CFAP53: variants seen among roughly 807,000 people sequenced by gnomAD.
CFAP53 encodes the protein cilia- and flagella-associated protein 53.
Under a neutral mutation model 59.7 loss-of-function variants are expected in CFAP53, and 62 were observed. That is an observed-to-expected ratio of 1.04 (90% confidence interval 0.85 to 1.28). The LOEUF (loss-of-function observed/expected upper bound fraction) is 1.28, where lower values mean the gene tolerates loss of function less well. CFAP53 is among the 50% of genes most tolerant of loss of function. CFAP53 has a pLI of 0.00. For missense variants in CFAP53, 629 were observed against 615.6 expected (o/e 1.02, Z -0.23); for synonymous variants, 218 against 205.7 (o/e 1.06, Z -0.51).
chr18:50,263,343 G>A (rs2033912142), intron 1 of CFAP53, among the ~76,000 whole-genome samples: 1 of 152,172 alleles, frequency 6.6e-6, no homozygotes, highest in African/African-American at 2.4e-5. Context: ...TTTACATTTA[G>A]AATATCACCA....
chr18:50,264,591 A>G (rs1012669662), intron 1 of CFAP53, among the ~76,000 whole-genome samples: 1 of 152,196 alleles, frequency 6.6e-6, no homozygotes, highest in African/African-American at 2.4e-5. Context: ...TCCAAGTCTC[A>G]TCTGCTGGTG....
At position 50,242,201 on chromosome 18, in the gene CFAP53, T is replaced by A. The variant is rs572456319; in HGVS notation, c.1213+699A>T. Among the ~76,000 whole-genome samples the A allele has an allele frequency of 5.9e-5, 9 of 152,332 alleles. No homozygotes were observed. The East Asian group carries it at 1.7e-3, about 29-fold the overall frequency. ...TTATTCTGTTCTTTTTCAGGGTGCA[T>A]TGATTTCATATTGTTCAAACACACA... On this transcript the variant is annotated intron_variant, in intron 6 of 7. Transcript: ENST00000398545.
intron 3 of CFAP53, among the ~76,000 whole-genome samples, chr18:50,254,479 G>A (rs575651322): frequency 6.6e-6 from 1 of 152,196 alleles, no homozygotes; most frequent in East Asian, 1.9e-4. Flanking sequence ...AAACAATAAC[G>A]CCACTACCAA....
chr18:50,243,103 C>T lies in CFAP53; in HGVS notation c.1010G>A (p.Arg337Lys), dbSNP rs2033708100. The change falls in exon 6 of 8, where the codon AGA becomes AAA. Residue 337 changes from arginine (R) to lysine (K), a missense_variant. Physicochemically the swap from Arg to Lys is conservative, Grantham distance 26 (BLOSUM62 2). Transcript: ENST00000398545. Reference sequence around the variant, plus strand: ...ATATTTATGGTATATCTTCTGTTCTCTTATCATATCTTCCTATGTAACATA... The same window carrying T: ...ATATTTATGGTATATCTTCTGTTCTTTTATCATATCTTCCTATGTAACATA... ...KKKQKREDMI[R>K]EQKIYHKYLA... The T allele has an allele frequency of 1.2e-6, 2 of 1,609,654 alleles. No homozygotes were observed. Among genetic ancestry groups the T allele is most frequent in the Non-Finnish European group, 1.7e-6 (2 of 1,177,156 alleles).
Position 50,242,978 on chromosome 18 carries a change from G to T in CFAP53, c.1135C>A (p.Leu379Met). ...AKKLAEKDKELRLEKEARRQL... is the reference protein window; with the variant it reads ...AKKLAEKDKEMRLEKEARRQL... ...CTCCTTGCCTCCTTTTCAAGTCTCA[G>T]CTCCTTGTCCTTCTCAGCCAACTTC... Residue 379 changes from leucine to methionine, a missense_variant, in exon 6 of 8, where the codon CTG (leucine) becomes ATG (methionine). Coordinates refer to ENST00000398545, the MANE Select transcript of CFAP53 (RefSeq NM_145020.5). 6.2e-7 allele frequency: 1 copy of T among 1,613,976 alleles called. No homozygotes were observed. Among genetic ancestry groups the T allele is most frequent in the Non-Finnish European group, 8.5e-7 (1 of 1,180,014 alleles).
At chr18:50,252,621 C>T (rs552021019) in intron 3 of CFAP53, among the ~76,000 whole-genome samples, 4 of 152,202 alleles carry the variant, frequency 2.6e-5, no homozygotes, top group South Asian at 4.1e-4. Flanking sequence ...GTTGCCAGGG[C>T]TGGTCTCAAA....
intron 6 of CFAP53, among the ~76,000 whole-genome samples, chr18:50,239,645 A>G (rs1372294155): frequency 6.6e-6 from 1 of 152,234 alleles, no homozygotes; most frequent in Non-Finnish European, 1.5e-5. Flanking sequence ...AAGTAAAATA[A>G]GTTACGGTCT....
At chr18:50,248,949 C>T (rs1404566867) in intron 5 of CFAP53, among the ~76,000 whole-genome samples, 1 of 151,710 alleles carries the variant, frequency 6.6e-6, no homozygotes, top group African/African-American at 2.4e-5. Context: ...GAACACTACT[C>T]AAGAATAAAT....
intron 3 of CFAP53, among the ~76,000 whole-genome samples, 193 bp from the exon 4 acceptor site, chr18:50,251,977 T>G (rs1599126964): frequency 4.6e-5 from 7 of 152,318 alleles, no homozygotes; most frequent in Admixed American, 4.6e-4. Context: ...CTATGAAAAC[T>G]GGAGTAAAGC....
At chr18:50,249,136 G>C (rs998151171) in intron 5 of CFAP53, among the ~76,000 whole-genome samples, 1 of 150,472 alleles carries the variant, frequency 6.6e-6, no homozygotes, top group Non-Finnish European at 1.5e-5. Context: ...CCATGAGGCG[G>C]AGGTTGCAGT....
At position 50,243,005 on chromosome 18, in the gene CFAP53, T is replaced by C. The variant is rs2032596852; in HGVS notation, c.1108A>G (p.Lys370Glu). The change falls in exon 6 of 8, where the codon AAG becomes GAG. Residue 370 changes from lysine (K) to glutamate (E), a missense_variant. Coordinates refer to ENST00000398545, the MANE Select transcript of CFAP53 (RefSeq NM_145020.5). ...TCCTTGTCCTTCTCAGCCAACTTCT[T>C]TGCCTTGTCTTCCTCTAATATTCTG... ...FDRILEEDKA[K>E]KLAEKDKELR... is the part of the protein sequence containing the mutation. The C allele has an allele frequency of 1.9e-6, 3 of 1,614,070 alleles. No homozygotes were observed. The highest frequency in any genetic ancestry group is 2.5e-6 in the Non-Finnish European group (3 of 1,180,012).
At position 50,262,035 on chromosome 18, in the gene CFAP53, T is replaced by C. The variant is rs1313528722; in HGVS notation, c.254A>G (p.Asp85Gly). ...GTTAATGATAAACCCTTGCACAGCA[T>C]CCTTGATTCTTGCTCGCACAAGGCT... ...LDSLVRARIK[D>G]AVQGFIINIE... Residue 85 changes from aspartate to glycine, a missense_variant, in exon 2 of 8, where the codon GAT (aspartate) becomes GGT (glycine). By Grantham distance (94) the Asp-to-Gly change is moderately conservative (BLOSUM62 -1). Transcript: ENST00000398545. 6.2e-7 allele frequency: 1 copy of C among 1,614,080 alleles called. No individual in the cohort carries two copies. Among genetic ancestry groups the C allele is most frequent in the East Asian group, 2.2e-5 (1 of 44,896 alleles).
intron 3 of CFAP53, among the ~76,000 whole-genome samples, chr18:50,258,465 A>G (rs903873223): frequency 4.6e-5 from 7 of 152,248 alleles, no homozygotes; most frequent in African/African-American, 1.4e-4. Flanking sequence ...AAATAGATCC[A>G]AGACTTAAAT....
At chr18:50,235,857 G>A (rs572759850) in intron 7 of CFAP53, among the ~76,000 whole-genome samples, 9 of 152,258 alleles carry the variant, frequency 5.9e-5, no homozygotes, top group South Asian at 4.1e-4. Flanking sequence ...ATCCTAGGTC[G>A]GGCAAACTAT....
chr18:50,233,457 G>A (rs773426107), intron 7 of CFAP53, among the ~76,000 whole-genome samples: 21 of 152,130 alleles, frequency 1.4e-4, no homozygotes, highest in Admixed American at 5.9e-4. Flanking sequence ...ATTTGCAAGC[G>A]GACTTCCAAG....
intron 7 of CFAP53, among the ~76,000 whole-genome samples, chr18:50,231,428 T>C (rs2033582526): frequency 6.6e-6 from 1 of 152,196 alleles, no homozygotes. Context: ...GGCCTCTCTC[T>C]TTCCCTTTCC....
At chr18:50,247,702 C>T (rs530999404) in intron 5 of CFAP53, among the ~76,000 whole-genome samples, 12 of 152,172 alleles carry the variant, frequency 7.9e-5, no homozygotes, top group Non-Finnish European at 1.5e-4. Context: ...TGAAAGAAGA[C>T]AGTCAACAGG....
At chr18:50,254,367 T>C (rs186925424) in intron 3 of CFAP53, among the ~76,000 whole-genome samples, 1 of 152,254 alleles carries the variant, frequency 6.6e-6, no homozygotes, top group East Asian at 1.9e-4. Flanking sequence ...ACATGAAAAG[T>C]TGCTCAACAT....
chr18:50,260,432 T>C (rs2033879872), intron 3 of CFAP53, among the ~76,000 whole-genome samples: 1 of 151,984 alleles, frequency 6.6e-6, no homozygotes, highest in South Asian at 2.1e-4. Flanking sequence ...GTAGCTGAGG[T>C]GAGTGGATCA....
Sources: allele counts gnomAD v4.1 joint callset (sites outside exome capture counted in the v4.1 genomes callset), GRCh38; gene constraint gnomAD v4.1.1; transcripts MANE v1.5; gene names NCBI Gene and HGNC (gene_info 2026-07-23, HGNC 2026-07-21).